ITIH5: variants seen among roughly 807,000 people sequenced by gnomAD.
The protein encoded by ITIH5 is inter-alpha-trypsin inhibitor heavy chain H5.
In ITIH5, 65 loss-of-function variants were observed where a neutral mutation model predicts 77.5. The observed-to-expected ratio is 0.84, with a 90% CI of 0.69 to 1.03. The LOEUF is 1.03. Ranked by LOEUF, ITIH5 falls within the 50% of genes least tolerant of loss-of-function variation. The probability of loss-of-function intolerance (pLI) is 0.00; values close to 1 mark genes in which losing one functional copy is unlikely to be tolerated. For missense variants in ITIH5, 1,208 were observed against 1,213.1 expected, an observed-to-expected ratio of 1.00 and a Z score of 0.06; for synonymous variants, 525 against 494.3, an observed-to-expected ratio of 1.06 and a Z score of -0.82.
chr10:7,649,256 TTC>T (rs1834054949), intron 2 of ITIH5, among the ~76,000 whole-genome samples: 1 of 152,032 alleles, frequency 6.6e-6, no homozygotes, highest in South Asian at 2.1e-4. Flanking sequence ...TCCTCCTTTC[TTC>T]TTTCTTCCCC....
chr10:7,641,919 T>A lies in ITIH5; in HGVS notation c.299+8A>T, dbSNP rs1833895577. The stretch of plus-strand genomic sequence containing the variant: ...GAAATCTTCATCCCTGACCAGCGTG[T>A]CACCTACATAGTGAAGTTGGTGATG... On this transcript the variant is annotated splice_region_variant and intron_variant, in intron 3 of 13. Transcript: ENST00000397146. The A allele has an allele frequency of 3.7e-6, 6 of 1,613,814 alleles. No individual in the cohort carries two copies. The highest frequency in any genetic ancestry group is 5.1e-6 in the Non-Finnish European group (6 of 1,179,796).
In ITIH5 at chr10:7,629,242, C is replaced by T. The variant is rs200692368; in HGVS notation, c.652+7986G>A. Among the ~76,000 whole-genome samples the T allele has an allele frequency of 1.2e-4, 17 of 138,460 alleles. 1 individual carries two copies. The highest frequency in any genetic ancestry group is 5.8e-4 in the Admixed American group (8 of 13,864). The allele number at this position is 138,460 out of a possible 152,430, so 90.8% of individuals were successfully genotyped here. A position where few individuals can be genotyped will look rare whatever the true frequency, so the allele number is the denominator to read the frequency against. ...GTTGTAGCGTGTGCCCATGTTGTAG[C>T]GTGTGTCCATGTTGTAGCGTGTGTC... On this transcript the variant is annotated intron_variant, in intron 5 of 13. Transcript: ENST00000397146.
At chr10:7,653,295 C>T (rs1448789861) in intron 2 of ITIH5, among the ~76,000 whole-genome samples, 3 of 152,176 alleles carry the variant, frequency 2.0e-5, no homozygotes, top group South Asian at 2.1e-4. Flanking sequence ...CAACCTATGC[C>T]TCCTGGGTTC....
intron 7 of ITIH5, among the ~76,000 whole-genome samples, chr10:7,587,085 C>T (rs903634486): frequency 6.6e-6 from 1 of 152,076 alleles, no homozygotes; most frequent in Non-Finnish European, 1.5e-5. Flanking sequence ...CTGCCTCAGC[C>T]TCCCAAAGTG....
rs1374076375 is a variant in ITIH5 at position 7,559,637 on chromosome 10, C to G, written c.*3446G>C. On this transcript the variant is annotated 3_prime_UTR_variant, in exon 14 of 14. Coordinates refer to ENST00000397146, the MANE Select transcript of ITIH5 (RefSeq NM_030569.7). ...TTGAATGATTTGGTGTCTTAGTCAG[C>G]TTGGGCTGCCTTAACAAGAATACCA... 3.4e-5 allele frequency: 10 copies of G among 293,932 alleles called. No homozygotes were observed. The highest frequency in any genetic ancestry group is 5.3e-5 in the Non-Finnish European group (8 of 151,278). The allele number at this position is 293,932 out of a possible 1,614,324, so 18.2% of individuals were successfully genotyped here.
At position 7,562,951 on chromosome 10, in the gene ITIH5, T is replaced by G. The variant is rs1019203348; in HGVS notation, c.*132A>C. 1.6e-6 allele frequency: 1 copy of G among 607,954 alleles called. No homozygotes were observed. Among genetic ancestry groups the G allele is most frequent in the African/African-American group, 1.9e-5 (1 of 53,996 alleles). 37.7% of individuals were successfully genotyped at this position (607,954 alleles called of 1,614,324 possible). On this transcript the variant is annotated 3_prime_UTR_variant, in exon 14 of 14. Transcript: ENST00000397146. ...GCCCAGACAGACGTCGGATCTATGC[T>G]GCACCAGGGGTGGGTCATGGAGTCC...
chr10:7,614,079 T>C (rs1207242369), intron 7 of ITIH5, among the ~76,000 whole-genome samples: 1 of 152,184 alleles, frequency 6.6e-6, no homozygotes, highest in Non-Finnish European at 1.5e-5. Context: ...TAGAATACCA[T>C]ACCTAGTAAA....
chr10:7,605,042 G>A (rs193164058), intron 7 of ITIH5, among the ~76,000 whole-genome samples: 2 of 151,992 alleles, frequency 1.3e-5, no homozygotes, highest in African/African-American at 2.4e-5. Flanking sequence ...GGCTGGTCTC[G>A]AACTCCTGAC....
intron 2 of ITIH5, among the ~76,000 whole-genome samples, chr10:7,648,342 T>C (rs1834039643): frequency 6.6e-6 from 1 of 152,164 alleles, no homozygotes; most frequent in Admixed American, 6.5e-5. Flanking sequence ...TCCAAAGGTA[T>C]AGTAAATATA....
intron 2 of ITIH5, among the ~76,000 whole-genome samples, chr10:7,642,537 C>T (rs763795215): frequency 5.1e-4 from 77 of 152,290 alleles, no homozygotes; most frequent in Non-Finnish European, 1.0e-3. Flanking sequence ...TTTAAAATTA[C>T]TTTCAATGTC....
intron 7 of ITIH5, among the ~76,000 whole-genome samples, chr10:7,614,560 G>A (rs1245784802): frequency 6.6e-6 from 1 of 151,996 alleles, no homozygotes; most frequent in Admixed American, 6.6e-5. Context: ...TTCTACCAGT[G>A]TGGCCCAGGG....
intron 5 of ITIH5, among the ~76,000 whole-genome samples, chr10:7,627,303 G>GAA (rs59346650): frequency 3.7e-5 from 4 of 108,530 alleles, no homozygotes; most frequent in Non-Finnish European, 6.3e-5. Context: ...TAAAGTAAAA[G>GAA]AAAAAAAAGA....
chr10:7,561,315 CACAGGG>C lies in ITIH5; in HGVS notation c.*1762_*1767del, dbSNP rs1430079579. 6.6e-6 allele frequency: 1 copy of C among 152,254 alleles called. No individual in the cohort carries two copies. Among genetic ancestry groups the C allele is most frequent in the Non-Finnish European group, 1.5e-5 (1 of 68,068 alleles). The allele number at this position is 152,254 out of a possible 1,614,324, so 9.4% of individuals were successfully genotyped here. A position where few individuals can be genotyped will look rare whatever the true frequency, so the allele number is the denominator to read the frequency against. ...CAACAGATCACTGCTCCAAGTGCTC[CACAGGG>C]GACAGGGCCACCTGGCTCCAGGGCT... On this transcript the variant is annotated 3_prime_UTR_variant, in exon 14 of 14. Coordinates refer to ENST00000397146, the MANE Select transcript of ITIH5 (RefSeq NM_030569.7).
chr10:7,631,392 G>A (rs1203135759), intron 5 of ITIH5, among the ~76,000 whole-genome samples: 3 of 152,154 alleles, frequency 2.0e-5, no homozygotes, highest in Non-Finnish European at 2.9e-5. Flanking sequence ...TGGAGCAGGA[G>A]GACTGTGGGA....
intron 5 of ITIH5, among the ~76,000 whole-genome samples, chr10:7,624,710 T>A (rs1833530202): frequency 7.2e-6 from 1 of 137,988 alleles, no homozygotes; most frequent in African/African-American, 2.7e-5. Context: ...TGCTTGAACC[T>A]GGGAGGCAGA....
At chr10:7,581,332 T>G (rs376682903) in intron 8 of ITIH5, among the ~76,000 whole-genome samples, 6 of 152,028 alleles carry the variant, frequency 3.9e-5, no homozygotes, top group East Asian at 1.9e-4. Context: ...GAAGAAAAAT[T>G]TTATCAGGAA....
At chr10:7,621,889 C>T (rs1833479921) in intron 5 of ITIH5, 5 of 152,116 alleles carry the variant, frequency 3.3e-5, no homozygotes, top group Admixed American at 1.3e-4. Flanking sequence ...ATGAAGACCG[C>T]AAGGAAAGAC....
chr10:7,624,536 G>T (rs1833526691), intron 5 of ITIH5, among the ~76,000 whole-genome samples: 1 of 150,506 alleles, frequency 6.6e-6, no homozygotes, highest in South Asian at 2.1e-4. Context: ...TGCATTATCA[G>T]GCCAGGCACG....
intron 2 of ITIH5, among the ~76,000 whole-genome samples, chr10:7,648,079 TA>T (rs34969787): frequency 0.66 from 95,369 of 143,688 alleles, 31,920 homozygotes; most frequent in African/African-American, 0.82. Flanking sequence ...CTGTCTCTAC[TA>T]AAAAAAAAAA....
Sources: allele counts gnomAD v4.1 joint callset (sites outside exome capture counted in the v4.1 genomes callset), GRCh38; gene constraint gnomAD v4.1.1; transcripts MANE v1.5; gene names NCBI Gene and HGNC (gene_info 2026-07-23, HGNC 2026-07-21).